Variants in ZDHHC11 observed in about 807,000 individuals in gnomAD.
ZDHHC11 encodes the protein palmitoyltransferase ZDHHC11.
ZDHHC11 carries 44 observed loss-of-function variants against 51.3 expected under a neutral mutation model. The observed-to-expected ratio is 0.86, with a 90% CI of 0.67 to 1.10. The LOEUF (loss-of-function observed/expected upper bound fraction) is 1.10, where lower values mean the gene tolerates loss of function less well. Ranked by LOEUF, ZDHHC11 falls within the 50% of genes least tolerant of loss-of-function variation. The pLI is 0.00. For synonymous variants in ZDHHC11, 163 were observed against 222.0 expected, an observed-to-expected ratio of 0.73 and a Z score of 2.36; for missense variants, 400 against 537.7, an observed-to-expected ratio of 0.74 and a Z score of 2.53.
At chr5:825,503 C>G (rs1234643906) in intron 7 of ZDHHC11, among the ~76,000 whole-genome samples, 1 of 152,140 alleles carries the variant, frequency 6.6e-6, no homozygotes, top group Non-Finnish European at 1.5e-5. Flanking sequence ...AGTCCCTCCA[C>G]CCACCGTGTG....
Position 802,871 on chromosome 5 carries a change from A to AAAAAAAAAAAAAAC in ZDHHC11, c.1182-1708_1182-1707insGTTTTTTTTTTTTT, listed in dbSNP as rs1561228376. Among the ~76,000 whole-genome samples, 6 of 114,268 alleles carry AAAAAAAAAAAAAAC rather than the reference A, an allele frequency of 5.3e-5. 1 individual carries two copies. The highest frequency in any genetic ancestry group is 3.1e-4 in the East Asian group (1 of 3,194). The allele number at this position is 114,268 out of a possible 152,430, so 75.0% of individuals were successfully genotyped here. A position where few individuals can be genotyped will look rare whatever the true frequency, so the allele number is the denominator to read the frequency against. ...AAAAAAAAAAAAAAAAAAAAAAAAA[A>AAAAAAAAAAAAAAC]AAAGCTAAATGTGGTGGTTAGTGCC... On this transcript the variant is annotated intron_variant, in intron 11 of 12. Transcript: ENST00000283441.
intron 1 of ZDHHC11, among the ~76,000 whole-genome samples, chr5:858,436 C>G (rs2150530003): frequency 6.6e-6 from 1 of 151,916 alleles, no homozygotes; most frequent in Non-Finnish European, 1.5e-5. Flanking sequence ...CTGAATCTAT[C>G]CTGGTCCAAG....
intron 2 of ZDHHC11, 156 bp from the exon 3 acceptor site, chr5:847,771 G>T: frequency 3.5e-6 from 2 of 576,418 alleles, no homozygotes; most frequent in African/African-American, 2.4e-5. Flanking sequence ...CTGGGGGAGG[G>T]TGTTGAGGCC....
In ZDHHC11 at chr5:850,807, T is replaced by C. The variant is rs1028778609; in HGVS notation, c.-205A>G. ...CGGTGCAGGGCCCCGCCCAGGGGAATGAACAGACATGCTGCAGAATGTGAC... is the reference window on the plus strand; with the variant it reads ...CGGTGCAGGGCCCCGCCCAGGGGAACGAACAGACATGCTGCAGAATGTGAC... On this transcript the variant is annotated 5_prime_UTR_variant, in exon 1 of 13. Transcript: ENST00000283441. The C allele has an allele frequency of 1.0e-4, 65 of 644,696 alleles. No homozygotes were observed. In the Middle Eastern group the frequency reaches 1.7e-3, roughly 17 times the overall value. The allele number at this position is 644,696 out of a possible 1,614,324, so 39.9% of individuals were successfully genotyped here.
intron 11 of ZDHHC11, among the ~76,000 whole-genome samples, chr5:802,681 A>G (rs1382255429): frequency 6.7e-6 from 1 of 150,248 alleles, no homozygotes; most frequent in Non-Finnish European, 1.5e-5. Flanking sequence ...GCTTGAAGAA[A>G]GGAGAAGCTG....
At chr5:814,220 A>G (rs1367908531) in intron 11 of ZDHHC11, among the ~76,000 whole-genome samples, 7 of 149,176 alleles carry the variant, frequency 4.7e-5, no homozygotes, top group Middle Eastern at 3.4e-3. Context: ...AAGAATATGC[A>G]TTTGTCATGG....
At chr5:854,121 C>T (rs1201404838), upstream of ZDHHC11, among the ~76,000 whole-genome samples, 50 of 100,760 alleles carry the variant, frequency 5.0e-4, no homozygotes, top group African/African-American at 2.0e-3. Context: ...CAGTGAGGAG[C>T]GGGGACAGAC....
chr5:814,788 T>C lies in ZDHHC11; in HGVS notation c.1154A>G (p.Asp385Gly). Residue 385 changes from aspartate (D) to glycine (G), a missense_variant, in exon 11 of 13, where the codon GAT becomes GGT. Physicochemically the swap from Asp to Gly is moderately conservative, Grantham distance 94 (BLOSUM62 -1). Coordinates refer to ENST00000283441, the MANE Select transcript of ZDHHC11 (RefSeq NM_024786.3). ...PDGGSMAQEA[D>G]DAPSISTLGL... ...AAGTGTAGATATACTCGGGGCATCA[T>C]CTGCTTCCTGTGGGGGGAAGGGATG... 3.2e-6 allele frequency: 5 copies of C among 1,544,136 alleles called. No individual in the cohort carries two copies. Among genetic ancestry groups the C allele is most frequent in the Admixed American group, 2.0e-5 (1 of 49,064 alleles).
chr5:850,636 C>G lies in ZDHHC11; in HGVS notation c.-34G>C, dbSNP rs1473079938. The G allele has an allele frequency of 1.2e-6, 2 of 1,604,044 alleles. No individual in the cohort carries two copies. Among genetic ancestry groups the G allele is most frequent in the Non-Finnish European group, 1.7e-6 (2 of 1,177,174 alleles). On this transcript the variant is annotated 5_prime_UTR_variant, in exon 1 of 13. An upstream open reading frame in the 5' UTR loses its in-frame stop. Coordinates refer to ENST00000283441, the MANE Select transcript of ZDHHC11 (RefSeq NM_024786.3). ...CACAGAAGGGGAGGACCTGCGCCGT[C>G]AGATCCTGGGAGGGCCGGCCCCGCC...
At chr5:846,158 G>A (rs1182231214) in intron 3 of ZDHHC11, among the ~76,000 whole-genome samples, 5 of 150,846 alleles carry the variant, frequency 3.3e-5, no homozygotes, top group African/African-American at 9.8e-5. Flanking sequence ...CTCTGGACTC[G>A]CTGTGCGGTC....
intron 3 of ZDHHC11, among the ~76,000 whole-genome samples, chr5:847,092 A>T (rs1408411133): frequency 3.7e-5 from 5 of 134,292 alleles, no homozygotes; most frequent in African/African-American, 1.6e-4. Context: ...AACACCTCTC[A>T]TCTGTGAGCC....
chr5:856,584 C>T (rs113361720), intron 1 of ZDHHC11, among the ~76,000 whole-genome samples: 2,195 of 151,352 alleles, frequency 0.015, 51 homozygotes, highest in African/African-American at 0.05. Context: ...ACCACACAAA[C>T]CACACGCACA....
intron 11 of ZDHHC11, among the ~76,000 whole-genome samples, chr5:804,749 A>G (rs1428585879): frequency 2.6e-5 from 4 of 151,394 alleles, no homozygotes; most frequent in African/African-American, 9.7e-5. Context: ...AGAATTCTAT[A>G]TGTGACAAAT....
intron 7 of ZDHHC11, among the ~76,000 whole-genome samples, chr5:827,696 T>C (rs1742465265): frequency 6.6e-6 from 1 of 150,842 alleles, no homozygotes. Flanking sequence ...ATCCTAACTA[T>C]ATATGCACGT....
At position 807,236 on chromosome 5, in the gene ZDHHC11, C is replaced by T. The variant is rs145157854; in HGVS notation, c.1182-6072G>A. ...TCAAAGATTCCAGATACTACATACA[C>T]ACAATGCCCTTTCTGTTAAAAAAAA... is the stretch of plus-strand genomic sequence containing the variant. On this transcript the variant is annotated intron_variant, in intron 11 of 12. Transcript: ENST00000283441. Among the ~76,000 whole-genome samples the T allele has an allele frequency of 9.2e-5, 12 of 129,800 alleles. No individual in the cohort carries two copies. In the East Asian group the frequency reaches 1.9e-3, roughly 21 times the overall value. 85.2% of individuals were successfully genotyped at this position (129,800 alleles called of 152,430 possible).
intron 1 of ZDHHC11, among the ~76,000 whole-genome samples, chr5:848,892 T>C (rs1188356731): frequency 2.1e-5 from 3 of 144,460 alleles, no homozygotes; most frequent in Non-Finnish European, 4.5e-5. Flanking sequence ...CGTGCTCACC[T>C]GGGCCTGCAC....
intron 7 of ZDHHC11, among the ~76,000 whole-genome samples, 185 bp downstream of exon 7, chr5:833,588 T>A (rs1287435887): frequency 6.6e-6 from 1 of 151,072 alleles, no homozygotes; most frequent in Non-Finnish European, 1.5e-5. Flanking sequence ...GACAAGCACA[T>A]CGAGATAGAT....
chr5:840,028 A>T lies in ZDHHC11; in HGVS notation c.784+467T>A, dbSNP rs1352520472. On this transcript the variant is annotated intron_variant, in intron 5 of 12. Transcript: ENST00000283441. The stretch of plus-strand genomic sequence containing the variant: ...CGCCTACCGCTGTGCCCACTGTGAG[A>T]CCAAGCAAGACCACCAGCTCTCGCT... 5.1e-6 allele frequency: 3 copies of T among 593,416 alleles called. No homozygotes were observed. In the African/African-American group the frequency reaches 5.6e-5, roughly 11 times the overall value. The allele number at this position is 593,416 out of a possible 1,614,324, so 36.8% of individuals were successfully genotyped here. A position where few individuals can be genotyped will look rare whatever the true frequency, so the allele number is the denominator to read the frequency against.
Position 838,195 on chromosome 5 carries a change from C to T in ZDHHC11, c.785-715G>A, listed in dbSNP as rs1239180665. Among the ~76,000 whole-genome samples the T allele has an allele frequency of 2.6e-5, 4 of 151,968 alleles. No homozygotes were observed. The East Asian group carries it at 7.7e-4, about 29-fold the overall frequency. ...GACAGCTCAGCAGGCTGGCCAGAGC[C>T]CTACCCACCTGGCCTGTCCTGCAGG... is the stretch of plus-strand genomic sequence containing the variant. On this transcript the variant is annotated intron_variant, in intron 5 of 12. Transcript: ENST00000283441.
Sources: gnomAD v4.1 joint callset for allele counts (sites outside exome capture counted in the v4.1 genomes callset) on GRCh38, gnomAD v4.1.1 for gene constraint, MANE v1.5 for transcripts, NCBI Gene and HGNC (gene_info 2026-07-23, HGNC 2026-07-21) for gene names.